Variants in RERG observed in about 807,000 individuals in gnomAD.
RERG encodes RAS like estrogen regulated growth inhibitor.
RERG carries 25 observed loss-of-function variants against 23.2 expected under a neutral mutation model. The observed-to-expected ratio is 1.08, with a 90% CI of 0.79 to 1.50. The LOEUF is 1.50. Ranked by LOEUF, RERG falls within the 40% of genes most tolerant of loss-of-function variation. The pLI is 0.00. For missense variants in RERG, 253 were observed against 250.1 expected (o/e 1.01, Z -0.08); for synonymous variants, 81 against 89.1 (o/e 0.91, Z 0.51).
chr12:15,177,608 A>G (rs1262666810), intron 2 of RERG, among the ~76,000 whole-genome samples: 7 of 152,224 alleles, frequency 4.6e-5, no homozygotes, highest in Admixed American at 3.3e-4. Flanking sequence ...TTGAGCATGA[A>G]AAGCAGCAGA....
intron 2 of RERG, among the ~76,000 whole-genome samples, chr12:15,212,651 C>T (rs1227585865): frequency 2.6e-5 from 4 of 152,084 alleles, no homozygotes; most frequent in Non-Finnish European, 5.9e-5. Flanking sequence ...TATATAGCTA[C>T]TTAAATAGAG....
intron 2 of RERG, among the ~76,000 whole-genome samples, chr12:15,134,452 T>C (rs1864109153): frequency 6.6e-6 from 1 of 152,138 alleles, no homozygotes; most frequent in Non-Finnish European, 1.5e-5. Flanking sequence ...TTCTCTATTC[T>C]GTTCCATTGG....
intron 2 of RERG, among the ~76,000 whole-genome samples, chr12:15,142,764 G>A (rs1267684175): frequency 1.3e-5 from 2 of 151,996 alleles, no homozygotes; most frequent in African/African-American, 2.4e-5. Flanking sequence ...GATATTTTAG[G>A]TAGTTAAACC....
chr12:15,119,694 T>C (rs886298426), intron 3 of RERG, among the ~76,000 whole-genome samples: 1 of 152,140 alleles, frequency 6.6e-6, no homozygotes, highest in Non-Finnish European at 1.5e-5. Context: ...AACTCTGACC[T>C]ATTTAAAAGC....
intron 2 of RERG, among the ~76,000 whole-genome samples, chr12:15,161,616 T>C (rs1422093972): frequency 1.3e-5 from 2 of 152,214 alleles, no homozygotes; most frequent in African/African-American, 2.4e-5. Context: ...ACTCATTCAC[T>C]TGATTGATTA....
Position 15,109,325 on chromosome 12 carries a change from T to C in RERG, c.385A>G (p.Ser129Gly). ...KADLDHSRQV[S>G]TEEGEKLATE... is the part of the protein sequence containing the mutation. Reference sequence around the variant, plus strand: ...GCCAGCTTCTCTCCTTCTTCTGTGCTAACCTGCCTGGAGTGGTCCAAGTCA... The same window carrying C: ...GCCAGCTTCTCTCCTTCTTCTGTGCCAACCTGCCTGGAGTGGTCCAAGTCA... The change falls in exon 5 of 5, where the codon AGC becomes GGC. Residue 129 changes from serine to glycine, a missense_variant. Physicochemically the swap from Ser to Gly is moderately conservative, Grantham distance 56 (BLOSUM62 0). Transcript: ENST00000256953. 2 of 1,614,166 alleles carry C rather than the reference T, an allele frequency of 1.2e-6. No individual in the cohort carries two copies. Among genetic ancestry groups the C allele is most frequent in the African/African-American group, 1.3e-5 (1 of 75,054 alleles).
intron 2 of RERG, among the ~76,000 whole-genome samples, chr12:15,142,140 C>T (rs1864248276): frequency 6.6e-6 from 1 of 152,098 alleles, no homozygotes; most frequent in Non-Finnish European, 1.5e-5. Context: ...GATTATTCTC[C>T]ATTAATAAAT....
intron 2 of RERG, among the ~76,000 whole-genome samples, chr12:15,179,935 G>A (rs904555447): frequency 2.6e-5 from 4 of 152,042 alleles, no homozygotes; most frequent in Non-Finnish European, 5.9e-5. Flanking sequence ...ACATCATCTG[G>A]GTCAGGGGCC....
intron 2 of RERG, among the ~76,000 whole-genome samples, chr12:15,206,558 A>T (rs1202942148): frequency 6.6e-6 from 1 of 152,140 alleles, no homozygotes; most frequent in African/African-American, 2.4e-5. Flanking sequence ...AACTTGTTAG[A>T]AATACAAATT....
At position 15,115,822 on chromosome 12, in the gene RERG, CTG is replaced by C. The variant is rs1863709730; in HGVS notation, c.119-4407_119-4406del. 3.9e-5 allele frequency among the ~76,000 whole-genome samples: 6 copies of C among 152,322 alleles called. No individual in the cohort carries two copies. In the South Asian group the frequency reaches 1.2e-3, roughly 32 times the overall value. ...TATAATCTCCTGTCCAAAATACAAA[CTG>C]TAGAATGCAGCTTCGCCAGCCATAT... On this transcript the variant is annotated intron_variant, in intron 3 of 4. Coordinates refer to ENST00000256953, the MANE Select transcript of RERG (RefSeq NM_032918.3).
chr12:15,161,768 C>CAAT (rs573959645), intron 2 of RERG, among the ~76,000 whole-genome samples: 188 of 151,942 alleles, frequency 1.2e-3, no homozygotes, highest in African/African-American at 2.9e-3. Flanking sequence ...CTACCAATAA[C>CAAT]AATAATAATA....
At chr12:15,137,994 A>C (rs561787092) in intron 2 of RERG, 8 of 369,228 alleles carry the variant, frequency 2.2e-5, no homozygotes, top group Middle Eastern at 3.8e-4. Flanking sequence ...AGAAAGTCTT[A>C]ATTTATCCTT....
intron 2 of RERG, among the ~76,000 whole-genome samples, chr12:15,178,391 C>T (rs1365803716): frequency 6.6e-6 from 1 of 150,842 alleles, no homozygotes; most frequent in Non-Finnish European, 1.5e-5. Context: ...AATAAATGAG[C>T]TTGATCTACA....
intron 2 of RERG, among the ~76,000 whole-genome samples, chr12:15,181,672 T>C (rs989306861): frequency 1.3e-5 from 2 of 152,188 alleles, no homozygotes; most frequent in Non-Finnish European, 1.5e-5. Flanking sequence ...ATCATAGGAG[T>C]TCAATAAATG....
chr12:15,111,664 A>G (rs1863619948), intron 3 of RERG, among the ~76,000 whole-genome samples: 1 of 149,524 alleles, frequency 6.7e-6, no homozygotes, highest in Admixed American at 6.7e-5. Context: ...ATCTCTTTGC[A>G]TCTTTGCTAC....
chr12:15,207,052 C>T (rs1228949697), intron 2 of RERG, among the ~76,000 whole-genome samples: 1 of 152,076 alleles, frequency 6.6e-6, no homozygotes, highest in African/African-American at 2.4e-5. Context: ...ACAGTGTTAA[C>T]GTGCCTGCAC....
chr12:15,123,576 A>G (rs960913051), intron 2 of RERG, among the ~76,000 whole-genome samples: 1 of 89,608 alleles, frequency 1.1e-5, no homozygotes, highest in African/African-American at 3.8e-5. Flanking sequence ...AAATTTAAAT[A>G]ATAAAATTTT....
At chr12:15,178,062 T>A (rs886399299) in intron 2 of RERG, among the ~76,000 whole-genome samples, 2 of 152,054 alleles carry the variant, frequency 1.3e-5, no homozygotes, top group Non-Finnish European at 2.9e-5. Context: ...GGATGACTGA[T>A]GGAACAGATT....
intron 2 of RERG, among the ~76,000 whole-genome samples, chr12:15,164,447 G>A (rs769678048): frequency 1.3e-5 from 2 of 152,122 alleles, no homozygotes; most frequent in African/African-American, 2.4e-5. Flanking sequence ...CATGAACAAG[G>A]CTTGCACCCC....
Sources: allele counts gnomAD v4.1 joint callset (sites outside exome capture counted in the v4.1 genomes callset), GRCh38; gene constraint gnomAD v4.1.1; transcripts MANE v1.5; gene names NCBI Gene and HGNC (gene_info 2026-07-23, HGNC 2026-07-21).